HHLA1: variants seen among roughly 807,000 people sequenced by gnomAD.
HHLA1 encodes HHLA1 neighbor of OC90.
HHLA1 carries 72 observed loss-of-function variants against 69.9 expected under a neutral mutation model. The ratio of observed to expected loss-of-function variants is 1.03; its 90% CI spans 0.85 to 1.25. HHLA1 has a LOEUF of 1.25. HHLA1 is among the 50% of genes most tolerant of loss of function. The pLI is 0.00. For missense variants in HHLA1, 685 were observed against 642.2 expected, an observed-to-expected ratio of 1.07 and a Z score of -0.72; for synonymous variants, 252 against 233.2, an observed-to-expected ratio of 1.08 and a Z score of -0.73.
chr8:132,110,707 A>C (rs977093058), intron 1 of HHLA1, among the ~76,000 whole-genome samples: 1 of 152,204 alleles, frequency 6.6e-6, no homozygotes, highest in Non-Finnish European at 1.5e-5. Context: ...TGAGTAAGGA[A>C]ATATAACTTT....
intron 2 of HHLA1, among the ~76,000 whole-genome samples, chr8:132,104,744 T>C (rs978845665): frequency 1.3e-5 from 2 of 152,000 alleles, no homozygotes; most frequent in African/African-American, 4.8e-5. Flanking sequence ...ACGCAGAGCC[T>C]GAAAAGGACC....
At chr8:132,067,024 G>A (rs1008113321) in intron 15 of HHLA1, among the ~76,000 whole-genome samples, 4 of 152,244 alleles carry the variant, frequency 2.6e-5, no homozygotes, top group Non-Finnish European at 4.4e-5. Context: ...AACCAACAGG[G>A]GAAGGTGTGG....
In HHLA1 at chr8:132,079,902, T is replaced by G; in HGVS notation, c.741A>C (p.Pro247=). 1 of 1,552,216 alleles carries G rather than the reference T, an allele frequency of 6.4e-7. No individual in the cohort carries two copies. Among genetic ancestry groups the G allele is most frequent in the Non-Finnish European group, 8.7e-7 (1 of 1,147,094 alleles). The change falls in exon 11 of 17, where the codon CCA becomes CCC. Residue 247 remains proline (P), a synonymous_variant. Coordinates refer to ENST00000414222, the MANE Select transcript of HHLA1 (RefSeq NM_001145095.3). ...GGGTCCAGTGTCCGGGGCTTGTACTTGGTAGTGTTTTCTGGCTTTTGGTTG... is the reference window on the plus strand; with the variant it reads ...GGGTCCAGTGTCCGGGGCTTGTACTGGGTAGTGTTTTCTGGCTTTTGGTTG... ...KPTTKSQKTL[P]STSPGHWTQS...
rs1823887097 is a variant in HHLA1 at position 132,087,756 on chromosome 8, A to C, written c.590-17T>G. 2 of 1,547,922 alleles carry C rather than the reference A, an allele frequency of 1.3e-6. No homozygotes were observed. Among genetic ancestry groups the C allele is most frequent in the Non-Finnish European group, 1.7e-6 (2 of 1,143,628 alleles). ...GATTCCTTCCTGCAAAAATCACACC[A>C]ACAGGGTCAGATCTTGGGTTTCATC... is the stretch of plus-strand genomic sequence containing the variant. On this transcript the variant is annotated splice_polypyrimidine_tract_variant and intron_variant, in intron 9 of 16. Transcript: ENST00000414222.
At chr8:132,104,530 T>A (rs1824172272) in intron 2 of HHLA1, among the ~76,000 whole-genome samples, 1 of 152,182 alleles carries the variant, frequency 6.6e-6, no homozygotes, top group South Asian at 2.1e-4. Context: ...GGCGTTGAGC[T>A]GAGCTCTGAA....
chr8:132,110,311 A>G (rs1824275507), intron 1 of HHLA1, among the ~76,000 whole-genome samples: 1 of 152,144 alleles, frequency 6.6e-6, no homozygotes, highest in African/African-American at 2.4e-5. Context: ...CTCCTTGAAG[A>G]GAAACCAGAA....
At chr8:132,101,815 G>T (rs1249364845) in intron 3 of HHLA1, among the ~76,000 whole-genome samples, 1 of 152,110 alleles carries the variant, frequency 6.6e-6, no homozygotes, top group Non-Finnish European at 1.5e-5. Flanking sequence ...CTCATGATCT[G>T]CCTGCCTCGG....
In HHLA1 at chr8:132,064,023, C is replaced by T. The variant is rs773389296; in HGVS notation, c.1568G>A (p.Cys523Tyr). 4.3e-5 allele frequency: 56 copies of T among 1,303,306 alleles called. No homozygotes were observed. The Middle Eastern group carries it at 8.5e-4, about 20-fold the overall frequency. The allele number at this position is 1,303,306 out of a possible 1,614,324, so 80.7% of individuals were successfully genotyped here. The change falls in exon 17 of 17, where the codon TGC becomes TAC. Residue 523 changes from cysteine (C) to tyrosine (Y), a missense_variant. Transcript: ENST00000414222. ...VSHSHTLKQK[C>Y]LENICKSV ...CACAGACTTGCAGATATTCTCAAGG[C>T]ACTTTTGCTTTAAGGCTGAAAAAAA... is the stretch of plus-strand genomic sequence containing the variant.
chr8:132,093,207 T>C (rs541777422), intron 7 of HHLA1, among the ~76,000 whole-genome samples: 117 of 152,300 alleles, frequency 7.7e-4, no homozygotes, highest in African/African-American at 2.8e-3. Flanking sequence ...ATAGGTAGTG[T>C]AGACAGCCTT....
chr8:132,071,553 C>T (rs1586724075), intron 14 of HHLA1, 60 bp from the exon 15 acceptor site: 5 of 1,481,236 alleles, frequency 3.4e-6, no homozygotes, highest in African/African-American at 2.8e-5. Flanking sequence ...ATCTTCTCTT[C>T]GTTAAGCCCT....
At chr8:132,104,841 T>C (rs965086223) in intron 2 of HHLA1, among the ~76,000 whole-genome samples, 2 of 152,044 alleles carry the variant, frequency 1.3e-5, no homozygotes, top group African/African-American at 4.8e-5. Flanking sequence ...GAAGATGACC[T>C]AACAAGATTT....
chr8:132,075,204 G>A (rs1335938875), intron 14 of HHLA1, among the ~76,000 whole-genome samples: 1 of 152,160 alleles, frequency 6.6e-6, no homozygotes, highest in African/African-American at 2.4e-5. Context: ...CAGATCTAAG[G>A]TGACATGAAA....
intron 6 of HHLA1, 45 bp downstream of exon 6, chr8:132,095,658 C>T: frequency 6.5e-7 from 1 of 1,531,310 alleles, no homozygotes; most frequent in Non-Finnish European, 8.9e-7. Context: ...CCCTGCAACA[C>T]ATCCCTACCA....
At chr8:132,094,418 C>G (rs949819291) in intron 7 of HHLA1, among the ~76,000 whole-genome samples, 3 of 152,158 alleles carry the variant, frequency 2.0e-5, no homozygotes, top group Non-Finnish European at 4.4e-5. Context: ...CAACACCCTC[C>G]CCACTTTGCC....
chr8:132,095,089 C>T (rs1229700498), intron 7 of HHLA1, among the ~76,000 whole-genome samples: 2 of 152,202 alleles, frequency 1.3e-5, no homozygotes, highest in Admixed American at 1.3e-4. Flanking sequence ...CTATCTGGTG[C>T]CCACATATGT....
At chr8:132,096,284 C>G (rs1438249807) in intron 5 of HHLA1, among the ~76,000 whole-genome samples, 1 of 152,214 alleles carries the variant, frequency 6.6e-6, no homozygotes, top group Non-Finnish European at 1.5e-5. Flanking sequence ...GTCTTTTCTT[C>G]TGTGTGTGTC....
In HHLA1 at chr8:132,084,889, G is replaced by A. The variant is rs377383844; in HGVS notation, c.676+2764C>T. Among the ~76,000 whole-genome samples, 1,275 of 151,888 alleles carry A rather than the reference G, an allele frequency of 8.4e-3. 19 individuals carry two copies. Among genetic ancestry groups the A allele is most frequent in the African/African-American group, 0.029 (1,212 of 41,322 alleles). On this transcript the variant is annotated intron_variant, in intron 10 of 16. Transcript: ENST00000414222. ...AATAAGCGATTGGGGGGTTCTTGCC[G>A]CCTAGGAAAGCAGGACTTGCCGCTA... is the stretch of plus-strand genomic sequence containing the variant.
At position 132,077,870 on chromosome 8, in the gene HHLA1, G is replaced by A. The variant is rs1419682884; in HGVS notation, c.1027C>T (p.Pro343Ser). Residue 343 changes from proline to serine, a missense_variant, in exon 12 of 17, where the codon CCT becomes TCT. Pro to Ser is a moderately conservative substitution (Grantham distance 74, BLOSUM62 -1). Coordinates refer to ENST00000414222, the MANE Select transcript of HHLA1 (RefSeq NM_001145095.3). ...PWAQTISEKKPGGSLWETRSS... is the reference protein window; with the variant it reads ...PWAQTISEKKSGGSLWETRSS... Reference sequence around the variant, plus strand: ...CGAGTTTCCCAGAGAGACCCTCCAGGTTTTTTCTCACTGATGGTCTGAGCC... The same window carrying A: ...CGAGTTTCCCAGAGAGACCCTCCAGATTTTTTCTCACTGATGGTCTGAGCC... 1.3e-6 allele frequency: 2 copies of A among 1,551,510 alleles called. No homozygotes were observed. Among genetic ancestry groups the A allele is most frequent in the Admixed American group, 2.0e-5 (1 of 50,988 alleles).
chr8:132,109,747 A>AGTGTTCT (rs1201302860), intron 1 of HHLA1, among the ~76,000 whole-genome samples: 1 of 152,192 alleles, frequency 6.6e-6, no homozygotes, highest in African/African-American at 2.4e-5. Context: ...CCTTGTCCAC[A>AGTGTTCT]GTGTTCTGTT....
Sources: allele counts gnomAD v4.1 joint callset (sites outside exome capture counted in the v4.1 genomes callset), GRCh38; gene constraint gnomAD v4.1.1; transcripts MANE v1.5; gene names NCBI Gene and HGNC (gene_info 2026-07-23, HGNC 2026-07-21).